The following BBS2 variants were observed in gnomAD, a reference collection of about 807,000 sequenced individuals.
BBS2 encodes the protein Bardet-Biedl syndrome 2.
In BBS2, 62 loss-of-function variants were observed where a neutral mutation model predicts 83.0. The observed-to-expected ratio is 0.75, with a 90% confidence interval of 0.61 to 0.92. The LOEUF (loss-of-function observed/expected upper bound fraction) is 0.92, where lower values mean the gene tolerates loss of function less well. Ranked by LOEUF, BBS2 falls within the 40% of genes least tolerant of loss-of-function variation. The pLI is 0.00. For synonymous variants in BBS2, 303 were observed against 326.1 expected, an observed-to-expected ratio of 0.93 and a Z score of 0.76; for missense variants, 784 against 901.0, an observed-to-expected ratio of 0.87 and a Z score of 1.66.
At chr16:56,511,121 G>C (rs772036815) in intron 3 of BBS2, 38 bp downstream of exon 3, 16 of 1,612,746 alleles carry the variant, frequency 9.9e-6, no homozygotes, top group Non-Finnish European at 1.3e-5. Context: ...AAGTAAAAAT[G>C]CTTAAGGGTA....
chr16:56,501,720 C>T, intron 9 of BBS2: 1 of 581,246 alleles, frequency 1.7e-6, no homozygotes, highest in Non-Finnish European at 3.0e-6. Flanking sequence ...TGGGTATGGT[C>T]CACTGTATCC....
chr16:56,519,952 A>C lies in BBS2; in HGVS notation c.-90T>G. 1 of 1,147,218 alleles carries C rather than the reference A, an allele frequency of 8.7e-7. No homozygotes were observed. The highest frequency in any genetic ancestry group is 1.3e-6 in the Non-Finnish European group (1 of 770,864). The allele number at this position is 1,147,218 out of a possible 1,614,324, so 71.1% of individuals were successfully genotyped here. A position where few individuals can be genotyped will look rare whatever the true frequency, so the allele number is the denominator to read the frequency against. ...GCGCCCGGGCAAGAAGTGCAGGGACACTACCTGCGCGGCCCCAGCCGCCTC... is the reference window on the plus strand; with the variant it reads ...GCGCCCGGGCAAGAAGTGCAGGGACCCTACCTGCGCGGCCCCAGCCGCCTC... On this transcript the variant is annotated 5_prime_UTR_variant, in exon 1 of 17. Coordinates refer to ENST00000245157, the MANE Select transcript of BBS2 (RefSeq NM_031885.5).
chr16:56,498,176 T>G (rs749710686), intron 13 of BBS2, among the ~76,000 whole-genome samples: 5 of 152,068 alleles, frequency 3.3e-5, no homozygotes, highest in African/African-American at 4.8e-5. Flanking sequence ...AAGGAAGAGA[T>G]GAAGGGAAGG....
intron 17 of BBS2, chr16:56,476,817 C>T (rs868352107): frequency 2.6e-5 from 4 of 152,244 alleles, no homozygotes; most frequent in Non-Finnish European, 5.9e-5. Flanking sequence ...TCCAGTGTTT[C>T]GGTTTTTTTA....
chr16:56,481,890 C>T (rs1264913777), downstream of BBS2, among the ~76,000 whole-genome samples: 1 of 152,174 alleles, frequency 6.6e-6, no homozygotes, highest in Non-Finnish European at 1.5e-5. Context: ...TCCTTCACAC[C>T]AGGGCTTACC....
chr16:56,499,425 G>A, intron 12 of BBS2: 1 of 328,494 alleles, frequency 3.0e-6, no homozygotes, highest in Non-Finnish European at 5.9e-6. Flanking sequence ...AGCACTTAAA[G>A]CCAAAAACGT....
In BBS2 at chr16:56,502,216, C is replaced by G. The variant is rs1408429511; in HGVS notation, c.1080+101G>C. 7 of 1,521,012 alleles carry G rather than the reference C, an allele frequency of 4.6e-6. 1 individual carries two copies. The highest frequency in any genetic ancestry group is 6.4e-6 in the Non-Finnish European group (7 of 1,096,826). 94.2% of individuals were successfully genotyped at this position (1,521,012 alleles called of 1,614,324 possible). Reference sequence around the variant, plus strand: ...TTCTGACAATGGCAAAAAGGCCACACCCTGGCAATGACACTCTCATTCTTC... The same window carrying G: ...TTCTGACAATGGCAAAAAGGCCACAGCCTGGCAATGACACTCTCATTCTTC... On this transcript the variant is annotated intron_variant, in intron 9 of 16. Coordinates refer to ENST00000245157, the MANE Select transcript of BBS2 (RefSeq NM_031885.5).
intron 17 of BBS2, chr16:56,475,471 G>A: frequency 6.2e-7 from 1 of 1,600,074 alleles, no homozygotes. Flanking sequence ...CTTTCAATAG[G>A]AGCTTTCTGA....
rs778892001 is a variant in BBS2 at position 56,498,488 on chromosome 16, T to C, written c.1608A>G (p.Thr536=). 1.3e-5 allele frequency: 21 copies of C among 1,614,014 alleles called. No homozygotes were observed. In the Admixed American group the frequency reaches 2.7e-4, roughly 20 times the overall value. Residue 536 remains threonine, a synonymous_variant, in exon 13 of 17, where the codon ACA becomes ACG. Transcript: ENST00000245157. ...IQNAPFQVCF[T]SLRNGGHLHI... ...GCAGGTGGCCGCCATTCCGTAAAGA[T>C]GTGAAACACACTTGAAATGGAGCAT... is the stretch of plus-strand genomic sequence containing the variant.
At chr16:56,502,630 T>A (rs200257864) in intron 8 of BBS2, 43 bp downstream of exon 8, 1 of 1,614,046 alleles carries the variant, frequency 6.2e-7, no homozygotes, top group Non-Finnish European at 8.5e-7. Flanking sequence ...CCCAATCAAA[T>A]GGAAAACGTG....
chr16:56,515,514 A>G (rs1964710484), intron 1 of BBS2, among the ~76,000 whole-genome samples: 1 of 152,208 alleles, frequency 6.6e-6, no homozygotes, highest in Non-Finnish European at 1.5e-5. Flanking sequence ...AAAAAGTTCC[A>G]AGGTGGGCAA....
chr16:56,489,668 C>T (rs1031731877), intron 15 of BBS2, among the ~76,000 whole-genome samples: 8 of 151,958 alleles, frequency 5.3e-5, no homozygotes, highest in African/African-American at 1.7e-4. Context: ...GGCATGGTGG[C>T]GCATGCCTGT....
chr16:56,481,906 G>T (rs1223188049), downstream of BBS2, among the ~76,000 whole-genome samples: 7 of 152,202 alleles, frequency 4.6e-5, no homozygotes, highest in African/African-American at 1.7e-4. Flanking sequence ...TTACCCAGCT[G>T]TGGGACCCTG....
chr16:56,503,919 C>CAAA (rs11379537), intron 7 of BBS2, among the ~76,000 whole-genome samples: 5 of 109,178 alleles, frequency 4.6e-5, no homozygotes, highest in African/African-American at 6.3e-5. Context: ...ACTCCAGTCT[C>CAAA]AAAAAAAAAA....
In BBS2 at chr16:56,501,439, T is replaced by G. The variant is rs773720173; in HGVS notation, c.1139A>C (p.Asn380Thr). The G allele has an allele frequency of 1.9e-6, 3 of 1,614,062 alleles. No individual in the cohort carries two copies. In the South Asian group the frequency reaches 3.3e-5, roughly 18 times the overall value. ...TGAGAGCGTGGTGTGGAGCCTGGTA[T>G]TGGCTGGGATTATGCCCCGATGCCC... ...ADGHRGIIPA[N>T]TRLHTTLSVS... The change falls in exon 10 of 17, where the codon AAT (asparagine) becomes ACT (threonine). Residue 380 changes from asparagine to threonine, a missense_variant. Transcript: ENST00000245157.
chr16:56,489,316 G>C (rs535367300), intron 15 of BBS2, among the ~76,000 whole-genome samples: 2 of 152,060 alleles, frequency 1.3e-5, no homozygotes, highest in South Asian at 4.2e-4. Context: ...GCTCCAGCCT[G>C]GGCAACAGAA....
At chr16:56,496,624 T>A (rs1229790837) in intron 15 of BBS2, among the ~76,000 whole-genome samples, 1 of 152,258 alleles carries the variant, frequency 6.6e-6, no homozygotes, top group African/African-American at 2.4e-5. Context: ...TTCCATTGCA[T>A]GAATATATCA....
Position 56,484,770 on chromosome 16 carries a change from A to G in BBS2, c.2157T>C (p.Ala719=). 4 of 1,613,746 alleles carry G rather than the reference A, an allele frequency of 2.5e-6. No homozygotes were observed. Among genetic ancestry groups the G allele is most frequent in the Non-Finnish European group, 3.4e-6 (4 of 1,179,646 alleles). ...TLFKIMRVGT[A]SS is the part of the protein sequence containing the mutation. ...CCTGTATTTTCCTCACCTAGGAAGA[A>G]GCTGTCCCCACTCGCATGATTTTGA... The change falls in exon 17 of 17, where the codon GCT becomes GCC. Residue 719 remains alanine (A), a synonymous_variant. Transcript: ENST00000245157.
chr16:56,498,043 C>T (rs1014952432), intron 13 of BBS2, among the ~76,000 whole-genome samples, 163 bp from the exon 14 acceptor site: 2 of 152,050 alleles, frequency 1.3e-5, no homozygotes, highest in African/African-American at 4.8e-5. Context: ...TTACAAACTG[C>T]ATTATTTCCA....
Sources: allele counts gnomAD v4.1 joint callset (sites outside exome capture counted in the v4.1 genomes callset), GRCh38; gene constraint gnomAD v4.1.1; transcripts MANE v1.5; gene names NCBI Gene and HGNC (gene_info 2026-07-23, HGNC 2026-07-21).